The following ZBTB11 variants were observed in gnomAD, a reference collection of about 807,000 sequenced individuals.
ZBTB11 encodes the protein zinc finger and BTB domain-containing protein 11.
ZBTB11 carries 68 observed loss-of-function variants against 113.1 expected under a neutral mutation model. That is an observed-to-expected ratio of 0.60 (90% confidence interval 0.49 to 0.74). The LOEUF is 0.74. ZBTB11 is among the 30% of genes least tolerant of loss of function. ZBTB11 has a pLI of 0.00. For synonymous variants in ZBTB11, 518 were observed against 452.6 expected (o/e 1.14, Z -1.83); for missense variants, 1,104 against 1,279.4 (o/e 0.86, Z 2.09).
At chr3:101,656,070 A>T (rs760138550) in intron 7 of ZBTB11, 34 bp downstream of exon 7, 3 of 1,413,110 alleles carry the variant, frequency 2.1e-6, no homozygotes, top group Admixed American at 2.5e-5. Flanking sequence ...ATAGTTTATG[A>T]AATGTAACTA....
intron 5 of ZBTB11, among the ~76,000 whole-genome samples, chr3:101,662,691 T>C (rs991135159): frequency 1.3e-5 from 2 of 152,196 alleles, no homozygotes; most frequent in Non-Finnish European, 2.9e-5. Flanking sequence ...TTATCTCTTA[T>C]ATAAATCATA....
rs1223449841 is a variant in ZBTB11 at position 101,650,962 on chromosome 3, G to A, written c.*204C>T. The A allele has an allele frequency of 2.2e-6, 1 of 461,200 alleles. No homozygotes were observed. Among genetic ancestry groups the A allele is most frequent in the Non-Finnish European group, 3.7e-6 (1 of 267,156 alleles). The allele number at this position is 461,200 out of a possible 1,614,324, so 28.6% of individuals were successfully genotyped here. A position where few individuals can be genotyped will look rare whatever the true frequency, so the allele number is the denominator to read the frequency against. ...CAAAAGCAATTGCACCAACCTAATAGATCTGTTTTCAATTTCTCTACACTA... is the reference window on the plus strand; with the variant it reads ...CAAAAGCAATTGCACCAACCTAATAAATCTGTTTTCAATTTCTCTACACTA... On this transcript the variant is annotated 3_prime_UTR_variant, in exon 11 of 11. Coordinates refer to ENST00000312938, the MANE Select transcript of ZBTB11 (RefSeq NM_014415.4).
chr3:101,667,448 T>C (rs977620706), intron 3 of ZBTB11, among the ~76,000 whole-genome samples: 1 of 152,226 alleles, frequency 6.6e-6, no homozygotes, highest in Non-Finnish European at 1.5e-5. Flanking sequence ...TTTTTAAATA[T>C]ACAATTGAGA....
chr3:101,655,233 G>T (rs1936775733), intron 7 of ZBTB11, among the ~76,000 whole-genome samples: 1 of 152,144 alleles, frequency 6.6e-6, no homozygotes, highest in Non-Finnish European at 1.5e-5. Context: ...AAGGGGACAT[G>T]GAAGCTATAA....
At chr3:101,656,348 TTTAAA>T (rs1936798292) in intron 6 of ZBTB11, 100 bp from the exon 7 acceptor site, 1 of 679,250 alleles carries the variant, frequency 1.5e-6, no homozygotes, top group East Asian at 5.6e-5. Context: ...TAAATAAATA[TTTAAA>T]TTATTTAATT....
intron 5 of ZBTB11, chr3:101,661,980 AT>A (rs929909007): frequency 6.6e-6 from 1 of 151,476 alleles, no homozygotes; most frequent in African/African-American, 2.4e-5. Flanking sequence ...TTTATATGGT[AT>A]TATATATTTT....
At position 101,659,976 on chromosome 3, in the gene ZBTB11, C is replaced by T. The variant is rs760809700; in HGVS notation, c.1853G>A (p.Arg618His). 5.0e-6 allele frequency: 8 copies of T among 1,614,050 alleles called. No homozygotes were observed. Among genetic ancestry groups the T allele is most frequent in the African/African-American group, 1.3e-5 (1 of 74,988 alleles). ...AGAGGGTGCATCTTTTCTGGTATGA[C>T]GAATAAGATGTGCTCGCAAAGAGGC... is the stretch of plus-strand genomic sequence containing the variant. ...YSASLRAHLI[R>H]HTRKDAPSSS... The change falls in exon 6 of 11, where the codon CGT becomes CAT. Residue 618 changes from arginine (R) to histidine (H), a missense_variant. By Grantham distance (29) the Arg-to-His change is conservative. Coordinates refer to ENST00000312938, the MANE Select transcript of ZBTB11 (RefSeq NM_014415.4).
intron 6 of ZBTB11, 91 bp downstream of exon 6, chr3:101,659,692 G>A (rs1183669790): frequency 9.6e-6 from 14 of 1,460,158 alleles, no homozygotes; most frequent in Non-Finnish European, 1.3e-5. Context: ...AAATGAGAGT[G>A]ACTTGAGAAT....
At chr3:101,671,886 G>A (rs762330447) in intron 2 of ZBTB11, 92 bp downstream of exon 2, 2 of 943,392 alleles carry the variant, frequency 2.1e-6, no homozygotes, top group African/African-American at 1.6e-5. Context: ...TCAATAAGCA[G>A]TCTTAGTGGT....
intron 7 of ZBTB11, 117 bp from the exon 8 acceptor site, chr3:101,654,938 C>A: frequency 1.4e-6 from 1 of 716,896 alleles, no homozygotes; most frequent in Non-Finnish European, 2.4e-6. Flanking sequence ...AGTGCAGTGG[C>A]GTGATCTCGG....
rs140666478 is a variant in ZBTB11, at chr3:101,671,143, C to T, written c.765G>A (p.Val255=). The T allele has an allele frequency of 2.5e-6, 4 of 1,613,780 alleles. No individual in the cohort carries two copies. The African/African-American group carries it at 5.3e-5, about 22-fold the overall frequency. ...EKGAVSSHEA[V]VDLSGFCKAS... ...CAAAACCCTTACCAGAAAGATCCAC[C>T]ACAGCCTCATGACTGGAAACAGCTC... Residue 255 remains valine, a synonymous_variant, in exon 3 of 11, where the codon GTG becomes GTA. Transcript: ENST00000312938.
At position 101,651,554 on chromosome 3, in the gene ZBTB11, T is replaced by G; in HGVS notation, c.2774A>C (p.Asp925Ala). Residue 925 changes from aspartate (D) to alanine (A), a missense_variant, in exon 11 of 11, where the codon GAT (aspartate) becomes GCT (alanine). This residue lies in a region of ZBTB11 where 148 missense variants were observed against 259.3 expected (regional missense o/e 0.57). Coordinates refer to ENST00000312938, the MANE Select transcript of ZBTB11 (RefSeq NM_014415.4). ...VCPVCSEAYI[D>A]ARTLRKHMTK... ...CATATGTTTACGGAGTGTTCGAGCA[T>G]CTATGTAGGCTTCGCTACATACAGG... 6.2e-7 allele frequency: 1 copy of G among 1,614,222 alleles called. No individual in the cohort carries two copies. Among genetic ancestry groups the G allele is most frequent in the Non-Finnish European group, 8.5e-7 (1 of 1,180,048 alleles).
rs766273055 is a variant in ZBTB11 at position 101,652,706 on chromosome 3, A to G, written c.2469-35T>C. 9 of 1,611,230 alleles carry G rather than the reference A, an allele frequency of 5.6e-6. No homozygotes were observed. The East Asian group carries it at 1.1e-4, about 20-fold the overall frequency. On this transcript the variant is annotated intron_variant, in intron 9 of 10. Coordinates refer to ENST00000312938, the MANE Select transcript of ZBTB11 (RefSeq NM_014415.4). ...GGGAAAAGACCCAATTATTTTGTCCAAAGAAGTAGCAGCCATAACAATCAG... is the reference window on the plus strand; with the variant it reads ...GGGAAAAGACCCAATTATTTTGTCCGAAGAAGTAGCAGCCATAACAATCAG...
Position 101,650,129 on chromosome 3 carries a change from G to A in ZBTB11, c.*1037C>T. 1 of 152,054 alleles carries A rather than the reference G, an allele frequency of 6.6e-6. No homozygotes were observed. Among genetic ancestry groups the A allele is most frequent in the Non-Finnish European group, 1.5e-5 (1 of 67,970 alleles). The allele number at this position is 152,054 out of a possible 1,614,324, so 9.4% of individuals were successfully genotyped here. On this transcript the variant is annotated 3_prime_UTR_variant, in exon 11 of 11. Transcript: ENST00000312938. ...AATTTCTTCAAGTATGATACTATGA[G>A]GGCTGCACTGAATAATTTTCAACAT...
chr3:101,667,030 G>GT (rs1937008351), intron 3 of ZBTB11, among the ~76,000 whole-genome samples: 1 of 152,154 alleles, frequency 6.6e-6, no homozygotes, highest in South Asian at 2.1e-4. Context: ...GATTACAGGC[G>GT]TGAGCCACCG....
In ZBTB11 at chr3:101,649,534, C is replaced by T. The variant is rs1576641222; in HGVS notation, c.*1632G>A. The stretch of plus-strand genomic sequence containing the variant: ...ATTTTTAAACTAAATCTAGTAACAA[C>T]AGAGGATGGAACATAAAAGACACAA... On this transcript the variant is annotated 3_prime_UTR_variant, in exon 11 of 11. Transcript: ENST00000312938. The T allele has an allele frequency of 6.8e-6, 1 of 147,810 alleles. No homozygotes were observed. Among genetic ancestry groups the T allele is most frequent in the East Asian group, 2.0e-4 (1 of 5,032 alleles). The allele number at this position is 147,810 out of a possible 1,614,324, so 9.2% of individuals were successfully genotyped here.
chr3:101,658,965 A>G (rs1269265075), intron 6 of ZBTB11, among the ~76,000 whole-genome samples: 1 of 152,246 alleles, frequency 6.6e-6, no homozygotes, highest in Non-Finnish European at 1.5e-5. Context: ...CAGGCCTGGC[A>G]TAGTGGCTCA....
intron 1 of ZBTB11, among the ~76,000 whole-genome samples, chr3:101,673,418 A>C (rs1363979569): frequency 6.6e-6 from 1 of 152,228 alleles, no homozygotes; most frequent in Non-Finnish European, 1.5e-5. Flanking sequence ...TCTTCAAATA[A>C]GTACAAATGA....
Position 101,652,479 on chromosome 3 carries a change from A to G in ZBTB11, c.2644+17T>C, listed in dbSNP as rs367734663. 9.3e-6 allele frequency: 15 copies of G among 1,610,216 alleles called. No homozygotes were observed. The African/African-American group carries it at 1.7e-4, about 19-fold the overall frequency. On this transcript the variant is annotated intron_variant, in intron 10 of 10. Coordinates refer to ENST00000312938, the MANE Select transcript of ZBTB11 (RefSeq NM_014415.4). The stretch of plus-strand genomic sequence containing the variant: ...CTTTTATTCTATAAGGATACATATA[A>G]TATAAAGTATAGTTACCTTCATGGT...
Sources: gnomAD v4.1 joint callset for allele counts (sites outside exome capture counted in the v4.1 genomes callset) on GRCh38, gnomAD v4.1.1 for gene constraint, gnomAD v4.1.1 regional missense constraint, MANE v1.5 for transcripts, NCBI Gene and HGNC (gene_info 2026-07-23, HGNC 2026-07-21) for gene names.